The following NAV2 variants were observed in gnomAD, a reference collection of about 807,000 sequenced individuals.
The protein encoded by NAV2 is helicase, APC down-regulated 1.
A neutral mutation model predicts 223.2 loss-of-function variants in NAV2; 54 were observed. The observed-to-expected ratio is 0.24, with a 90% CI of 0.19 to 0.30. The LOEUF (loss-of-function observed/expected upper bound fraction) is 0.30, where lower values mean the gene tolerates loss of function less well. NAV2 is among the 10% of genes least tolerant of loss of function. The pLI, the probability that NAV2 is intolerant of heterozygous loss-of-function variation, is 1.00. For missense variants in NAV2, 2,806 were observed against 3,147.5 expected, an observed-to-expected ratio of 0.89 and a Z score of 2.60; for synonymous variants, 1,279 against 1,239.3, an observed-to-expected ratio of 1.03 and a Z score of -0.67.
intron 1 of NAV2, among the ~76,000 whole-genome samples, chr11:19,400,853 T>G (rs958215748): frequency 3.3e-5 from 5 of 152,152 alleles, no homozygotes; most frequent in African/African-American, 1.2e-4. Flanking sequence ...ACCAGCCTGA[T>G]TAATTCAGAT....
chr11:19,394,790 G>A (rs1039062666), intron 1 of NAV2, among the ~76,000 whole-genome samples: 1 of 152,194 alleles, frequency 6.6e-6, no homozygotes, highest in Admixed American at 6.5e-5. Context: ...TGGCATGAGG[G>A]CCTGAAAGAG....
intron 1 of NAV2, among the ~76,000 whole-genome samples, chr11:19,803,145 G>A (rs887317776): frequency 2.0e-5 from 3 of 151,746 alleles, no homozygotes; most frequent in African/African-American, 7.3e-5. Flanking sequence ...ATATTTCTGC[G>A]ATGTATTCCC....
At chr11:19,767,640 C>A (rs764645909) in intron 1 of NAV2, among the ~76,000 whole-genome samples, 1 of 152,194 alleles carries the variant, frequency 6.6e-6, no homozygotes, top group Non-Finnish European at 1.5e-5. Context: ...GCCCAGTGTT[C>A]GCATGCATAT....
intron 1 of NAV2, among the ~76,000 whole-genome samples, chr11:19,566,813 T>C (rs1394059632): frequency 6.6e-6 from 1 of 152,238 alleles, no homozygotes; most frequent in African/African-American, 2.4e-5. Context: ...TAGAGGGGCA[T>C]GATAACTGGC....
chr11:19,959,210 T>A (rs569301496), intron 10 of NAV2, among the ~76,000 whole-genome samples: 1 of 152,136 alleles, frequency 6.6e-6, no homozygotes, highest in African/African-American at 2.4e-5. Context: ...CCAAGGTGGG[T>A]TGAATGTTTA....
At chr11:19,753,387 T>G (rs1834323) in intron 1 of NAV2, among the ~76,000 whole-genome samples, 3 of 152,164 alleles carry the variant, frequency 2.0e-5, no homozygotes, top group African/African-American at 7.2e-5. Context: ...CATACATTTT[T>G]TTATATTTTG....
At chr11:20,000,749 C>T (rs1459891475) in intron 11 of NAV2, among the ~76,000 whole-genome samples, 1 of 152,176 alleles carries the variant, frequency 6.6e-6, no homozygotes, top group Non-Finnish European at 1.5e-5. Flanking sequence ...TCTGGTGCCA[C>T]AGAGGTCAGC....
At chr11:19,936,693 G>A (rs1328205369) in intron 7 of NAV2, among the ~76,000 whole-genome samples, 2 of 152,202 alleles carry the variant, frequency 1.3e-5, no homozygotes, top group Non-Finnish European at 2.9e-5. Flanking sequence ...TGCAGGAACA[G>A]GTATTGATCG....
At chr11:19,620,306 G>A (rs1377730142) in intron 1 of NAV2, among the ~76,000 whole-genome samples, 1 of 152,120 alleles carries the variant, frequency 6.6e-6, no homozygotes, top group South Asian at 2.1e-4. Context: ...AAAAGTCATT[G>A]GTAGCTTGAT....
intron 1 of NAV2, among the ~76,000 whole-genome samples, chr11:19,679,389 C>A (rs1014535035): frequency 1.7e-4 from 24 of 140,844 alleles, no homozygotes; most frequent in Non-Finnish European, 2.7e-4. Context: ...CGAGATTGTG[C>A]CACTGCACTC....
At chr11:19,441,493 G>A (rs1293246761) in intron 1 of NAV2, among the ~76,000 whole-genome samples, 1 of 151,500 alleles carries the variant, frequency 6.6e-6, no homozygotes, top group Non-Finnish European at 1.5e-5. Flanking sequence ...GGCTGACAAT[G>A]CCCTGTGTAC....
chr11:19,593,920 C>A (rs896431747), intron 1 of NAV2, among the ~76,000 whole-genome samples: 1 of 152,006 alleles, frequency 6.6e-6, no homozygotes, highest in Non-Finnish European at 1.5e-5. Flanking sequence ...TTTGAGTATT[C>A]TTTATATATG....
intron 1 of NAV2, among the ~76,000 whole-genome samples, chr11:19,401,322 C>G (rs534965105): frequency 6.6e-6 from 1 of 152,306 alleles, no homozygotes; most frequent in South Asian, 2.1e-4. Flanking sequence ...CCACTGACTG[C>G]GCCAGCAGCC....
chr11:19,643,848 A>G (rs938813319), intron 1 of NAV2, among the ~76,000 whole-genome samples: 3 of 152,120 alleles, frequency 2.0e-5, no homozygotes, highest in African/African-American at 7.2e-5. Flanking sequence ...CTTTTTAATG[A>G]TCACCATTCT....
At chr11:19,698,080 A>G (rs903370252) in intron 1 of NAV2, among the ~76,000 whole-genome samples, 2 of 152,138 alleles carry the variant, frequency 1.3e-5, no homozygotes, top group Non-Finnish European at 2.9e-5. Context: ...TGGGGCTGCC[A>G]TGGAGGAGCT....
chr11:19,401,385 T>C (rs1269697374), intron 1 of NAV2, among the ~76,000 whole-genome samples: 1 of 152,236 alleles, frequency 6.6e-6, no homozygotes, highest in Non-Finnish European at 1.5e-5. Flanking sequence ...GAAATTGTCT[T>C]ATTGGTGTTG....
At chr11:19,403,175 T>A (rs559754762) in intron 1 of NAV2, among the ~76,000 whole-genome samples, 7 of 152,246 alleles carry the variant, frequency 4.6e-5, no homozygotes, top group Non-Finnish European at 1.0e-4. Flanking sequence ...ACCCAACAGA[T>A]GTCAAATATA....
chr11:19,407,968 C>A (rs1383968464), intron 1 of NAV2, among the ~76,000 whole-genome samples: 3 of 152,124 alleles, frequency 2.0e-5, no homozygotes. Flanking sequence ...CCCCAAGATG[C>A]GTACTCCCAG....
chr11:19,495,803 A>G (rs1025867781), intron 1 of NAV2, among the ~76,000 whole-genome samples: 2 of 152,178 alleles, frequency 1.3e-5, no homozygotes, highest in Non-Finnish European at 2.9e-5. Context: ...AAAAAAATAA[A>G]TCAGAGAAGA....
Sources: gnomAD v4.1 joint callset for allele counts (sites outside exome capture counted in the v4.1 genomes callset) on GRCh38, gnomAD v4.1.1 for gene constraint, MANE v1.5 for transcripts, NCBI Gene and HGNC (gene_info 2026-07-23, HGNC 2026-07-21) for gene names.